Variants in NRXN3 observed in about 807,000 individuals in gnomAD.
The protein encoded by NRXN3 is neurexin 3, also known as neurexin III.
In NRXN3, 32 loss-of-function variants were observed where a neutral mutation model predicts 137.6. The ratio of observed to expected loss-of-function variants is 0.23; its 90% confidence interval spans 0.18 to 0.31. NRXN3 has a LOEUF of 0.31. NRXN3 is among the 10% of genes least tolerant of loss of function. The pLI is 1.00. For missense variants in NRXN3, 1,574 were observed against 2,062.5 expected (o/e 0.76, Z 4.59); for synonymous variants, 798 against 784.5 (o/e 1.02, Z -0.29).
rs778171241 is a variant in NRXN3 at position 79,861,926 on chromosome 14, A to G, written c.4678A>G (p.Lys1560Glu). 1 of 1,613,764 alleles carries G rather than the reference A, an allele frequency of 6.2e-7. No individual in the cohort carries two copies. The highest frequency in any genetic ancestry group is 8.5e-7 in the Non-Finnish European group (1 of 1,179,828). Residue 1560 changes from lysine to glutamate, a missense_variant, in exon 21 of 21, where the codon AAG (lysine) becomes GAG (glutamate). Around this residue, in one of 5 missense-constraint regions of NRXN3, gnomAD observed 320 missense variants for 387.1 expected, o/e 0.83. Transcript: ENST00000335750. The surrounding 1 kb of genome is among the most constrained non-coding windows in gnomAD (Gnocchi z 5.4). ...EKQQSSKSGH[K>E]KQKNKDREYY... Reference sequence around the variant, plus strand: ...GCAGCAGAGCTCGAAGAGCGGCCACAAGAAACAGAAAAACAAGGACAGGGA... The same window carrying G: ...GCAGCAGAGCTCGAAGAGCGGCCACGAGAAACAGAAAAACAAGGACAGGGA...
chr14:79,383,814 A>G (rs572477170), intron 15 of NRXN3, among the ~76,000 whole-genome samples: 7 of 152,280 alleles, frequency 4.6e-5, no homozygotes, highest in Admixed American at 4.6e-4. Context: ...TTAACTTCCT[A>G]TAGATTTGCT....
At chr14:79,345,521 G>A (rs931529755) in intron 15 of NRXN3, among the ~76,000 whole-genome samples, 1 of 152,166 alleles carries the variant, frequency 6.6e-6, no homozygotes. Flanking sequence ...TTAGCAGGAT[G>A]ATATAGTTTG....
At chr14:78,299,224 G>T (rs899593914) in intron 4 of NRXN3, among the ~76,000 whole-genome samples, 1 of 152,198 alleles carries the variant, frequency 6.6e-6, no homozygotes, top group Non-Finnish European at 1.5e-5. Context: ...CTCCAGAAGA[G>T]GCTGAGATGA....
intron 10 of NRXN3, among the ~76,000 whole-genome samples, chr14:78,816,099 C>T (rs779827459): frequency 1.4e-4 from 22 of 152,066 alleles, no homozygotes; most frequent in Admixed American, 1.1e-3. Context: ...CAATATTTAT[C>T]GTATCAATAA....
At chr14:79,327,262 C>G (rs2091028007) in intron 15 of NRXN3, among the ~76,000 whole-genome samples, 1 of 152,166 alleles carries the variant, frequency 6.6e-6, no homozygotes, top group African/African-American at 2.4e-5. Flanking sequence ...CTATTACTCA[C>G]TTGAATCTCT....
chr14:79,003,852 G>T (rs546140077), intron 15 of NRXN3, among the ~76,000 whole-genome samples: 1 of 152,136 alleles, frequency 6.6e-6, no homozygotes, highest in East Asian at 1.9e-4. Flanking sequence ...TAATCATGGC[G>T]ATTTTGATAA....
At chr14:79,819,414 T>TTA (rs2099263503) in intron 20 of NRXN3, among the ~76,000 whole-genome samples, 1 of 149,210 alleles carries the variant, frequency 6.7e-6, no homozygotes, top group African/African-American at 2.5e-5. Flanking sequence ...TTTATAGTCG[T>TTA]TCCCAACATT....
rs57154485 is a variant in NRXN3, at chr14:79,036,593, GTTTTTTTTT to G, written c.3262+48477_3262+48485del. Among the ~76,000 whole-genome samples the G allele has an allele frequency of 4.9e-3, 499 of 101,618 alleles. 7 individuals are homozygous for G. The highest frequency in any genetic ancestry group is 0.017 in the African/African-American group (461 of 27,676). 66.7% of individuals were successfully genotyped at this position (101,618 alleles called of 152,430 possible). ...TTTTATTGTATTGTTTTCGTTTTGG[GTTTTTTTTT>G]TTTTTTTTTTTTTTTTTTTTTTTTA... On this transcript the variant is annotated intron_variant, in intron 15 of 20. Transcript: ENST00000335750.
chr14:78,754,595 G>A (rs1434055609), intron 8 of NRXN3, among the ~76,000 whole-genome samples: 1 of 152,114 alleles, frequency 6.6e-6, no homozygotes, highest in Non-Finnish European at 1.5e-5. Context: ...CCTTTCAATT[G>A]CAATTAACAA....
intron 16 of NRXN3, among the ~76,000 whole-genome samples, chr14:79,638,611 CAT>C (rs1376758230): frequency 1.3e-5 from 2 of 152,120 alleles, no homozygotes; most frequent in Non-Finnish European, 2.9e-5. Flanking sequence ...GGTATAAAAA[CAT>C]ATTTTTTTAT....
chr14:79,408,577 G>A (rs2095357233), intron 15 of NRXN3, among the ~76,000 whole-genome samples: 1 of 152,082 alleles, frequency 6.6e-6, no homozygotes, highest in South Asian at 2.1e-4. Flanking sequence ...AGCATTTGCA[G>A]CCACCCAATG....
intron 4 of NRXN3, among the ~76,000 whole-genome samples, chr14:78,485,397 C>G (rs1261815226): frequency 1.3e-5 from 2 of 152,130 alleles, no homozygotes; most frequent in Non-Finnish European, 2.9e-5. Flanking sequence ...TGTAAGGGCC[C>G]CAGGCTGTAT....
At chr14:79,027,295 C>T (rs1326877858) in intron 15 of NRXN3, among the ~76,000 whole-genome samples, 1 of 151,832 alleles carries the variant, frequency 6.6e-6, no homozygotes, top group Non-Finnish European at 1.5e-5. Flanking sequence ...CTCTCTCGGT[C>T]AATGTCACAG....
intron 2 of NRXN3, among the ~76,000 whole-genome samples, chr14:78,273,601 C>T (rs1433344187): frequency 2.0e-5 from 3 of 152,192 alleles, no homozygotes; most frequent in Non-Finnish European, 4.4e-5. Context: ...TCCTGTTAGA[C>T]CAGCTGGGGT....
Position 79,411,451 on chromosome 14 carries a change from T to C in NRXN3, c.3263-55770T>C, listed in dbSNP as rs889445152. ...TTGCTTTTATATCTCTTACATCTTG[T>C]CACATTGTATAGCCTGTCTAGCATT... On this transcript the variant is annotated intron_variant, in intron 15 of 20. Coordinates refer to ENST00000335750, the MANE Select transcript of NRXN3 (RefSeq NM_001330195.2). 1.4e-4 allele frequency among the ~76,000 whole-genome samples: 22 copies of C among 152,174 alleles called. 1 individual carries two copies. Among genetic ancestry groups the C allele is most frequent in the Admixed American group, 1.3e-3 (20 of 15,272 alleles).
intron 15 of NRXN3, among the ~76,000 whole-genome samples, chr14:79,389,816 C>T (rs1196681074): frequency 6.6e-6 from 1 of 152,132 alleles, no homozygotes. Context: ...TAATCAAAAA[C>T]TCTGACTAGT....
chr14:79,095,597 A>G (rs1475004017), intron 15 of NRXN3, among the ~76,000 whole-genome samples: 2 of 152,082 alleles, frequency 1.3e-5, no homozygotes, highest in African/African-American at 4.8e-5. Flanking sequence ...GGTGTTGAAG[A>G]TAAAACAGTT....
At chr14:78,752,815 G>T (rs111487887) in intron 8 of NRXN3, among the ~76,000 whole-genome samples, 2 of 152,144 alleles carry the variant, frequency 1.3e-5, no homozygotes, top group Non-Finnish European at 2.9e-5. Context: ...GTCATTTCAC[G>T]CAGGGGGTTG....
Position 78,243,228 on chromosome 14 carries a change from C to A in NRXN3, c.135C>A (p.Ala45=). ...GGGCCCGCTACCTCCGCTGGGATGC[C>A]AGCACACGCAGTGACCTGAGTTTCC... ...NQWARYLRWD[A]STRSDLSFQF... Residue 45 remains alanine (A), a synonymous_variant, in exon 2 of 21, where the codon GCC becomes GCA. Transcript: ENST00000335750. The surrounding 1 kb of genome is among the most constrained non-coding windows in gnomAD (Gnocchi z 4.2). 1 of 1,551,098 alleles carries A rather than the reference C, an allele frequency of 6.4e-7. No homozygotes were observed. The highest frequency in any genetic ancestry group is 2.4e-5 in the East Asian group (1 of 41,936).
Sources: allele counts gnomAD v4.1 joint callset (sites outside exome capture counted in the v4.1 genomes callset), GRCh38; gene constraint gnomAD v4.1.1; regional missense constraint gnomAD v4.1.1; non-coding constraint Gnocchi (gnomAD v3.1); transcripts MANE v1.5; gene names NCBI Gene and HGNC (gene_info 2026-07-23, HGNC 2026-07-21).